The following RBFOX1 variants were observed in gnomAD, a reference collection of about 807,000 sequenced individuals.
RBFOX1 encodes RNA binding fox-1 homolog 1.
RBFOX1 carries 8 observed loss-of-function variants against 57.7 expected under a neutral mutation model. That is an observed-to-expected ratio of 0.14 (90% CI 0.08 to 0.25). The LOEUF (loss-of-function observed/expected upper bound fraction) is 0.25, where lower values mean the gene tolerates loss of function less well. RBFOX1 is among the 10% of genes least tolerant of loss of function. RBFOX1 has a pLI of 1.00. For missense variants in RBFOX1, 611 were observed against 548.5 expected (o/e 1.11, Z -1.14); for synonymous variants, 326 against 222.4 (o/e 1.47, Z -4.15).
intron 3 of RBFOX1, among the ~76,000 whole-genome samples, chr16:6,909,482 G>A (rs1408712166): frequency 1.3e-5 from 2 of 152,288 alleles, no homozygotes; most frequent in Non-Finnish European, 2.9e-5. Flanking sequence ...GGCATCTTTG[G>A]CATGAGACAA....
At chr16:7,325,839 T>G (rs139503664) in intron 4 of RBFOX1, among the ~76,000 whole-genome samples, 4 of 152,216 alleles carry the variant, frequency 2.6e-5, no homozygotes, top group Non-Finnish European at 5.9e-5. Flanking sequence ...AAATATTATG[T>G]AGCATCTCAG....
intron 2 of RBFOX1, among the ~76,000 whole-genome samples, chr16:5,556,618 A>G (rs956896547): frequency 6.6e-6 from 1 of 152,104 alleles, no homozygotes; most frequent in African/African-American, 2.4e-5. Flanking sequence ...GAGGATGCCA[A>G]CCCTCTCCCT....
intron 5 of RBFOX1, among the ~76,000 whole-genome samples, chr16:7,570,386 A>G (rs541244403): frequency 6.6e-6 from 1 of 152,288 alleles, no homozygotes; most frequent in African/African-American, 2.4e-5. Context: ...TGAGCACAGA[A>G]CTTCAACATC....
chr16:7,494,731 G>A (rs1445904201), intron 4 of RBFOX1, among the ~76,000 whole-genome samples: 3 of 151,730 alleles, frequency 2.0e-5, no homozygotes, highest in Non-Finnish European at 4.4e-5. Flanking sequence ...TTGAACAACA[G>A]GCCTTCTGAG....
At chr16:7,623,858 T>C (rs1372174597) in intron 10 of RBFOX1, among the ~76,000 whole-genome samples, 1 of 152,170 alleles carries the variant, frequency 6.6e-6, no homozygotes, top group Non-Finnish European at 1.5e-5. Context: ...TCTCCTCTTC[T>C]TGTAAGATCT....
At chr16:5,764,284 C>T (rs931836307) in intron 3 of RBFOX1, among the ~76,000 whole-genome samples, 32 of 152,306 alleles carry the variant, frequency 2.1e-4, no homozygotes, top group East Asian at 1.2e-3. Context: ...ATATCTATAA[C>T]GGCATTCTGC....
intron 2 of RBFOX1, among the ~76,000 whole-genome samples, chr16:5,565,746 T>TA (rs752828885): frequency 1.3e-5 from 2 of 152,200 alleles, no homozygotes; most frequent in Non-Finnish European, 2.9e-5. Context: ...ATCTCCTCTG[T>TA]AGCCATCCTG....
At position 6,232,145 on chromosome 16, in the gene RBFOX1, A is replaced by G. The variant is rs147910458; in HGVS notation, c.-126-84850A>G. Reference sequence around the variant, plus strand: ...AAATGTATTGAATGCCTAAGTGCTCATTTTGCAAGGGCAGCAGCATAATTG... The same window carrying G: ...AAATGTATTGAATGCCTAAGTGCTCGTTTTGCAAGGGCAGCAGCATAATTG... On this transcript the variant is annotated intron_variant, in intron 1 of 15. Transcript: ENST00000550418. Among the ~76,000 whole-genome samples, 245 of 152,290 alleles carry G rather than the reference A, an allele frequency of 1.6e-3. 1 individual carries two copies. The highest frequency in any genetic ancestry group is 2.9e-3 in the Non-Finnish European group (194 of 68,024).
At chr16:5,266,388 C>T (rs1429893810) in intron 1 of RBFOX1, among the ~76,000 whole-genome samples, 1 of 152,076 alleles carries the variant, frequency 6.6e-6, no homozygotes, top group Non-Finnish European at 1.5e-5. Context: ...TAGCCCCCAT[C>T]TGAGAACTGC....
chr16:6,121,499 C>G (rs2096549065), intron 1 of RBFOX1, among the ~76,000 whole-genome samples: 1 of 152,200 alleles, frequency 6.6e-6, no homozygotes, highest in African/African-American at 2.4e-5. Context: ...CAAATTCTAG[C>G]CTCCAGGAAT....
chr16:5,765,419 C>T (rs1372781303), intron 3 of RBFOX1, among the ~76,000 whole-genome samples: 1 of 152,178 alleles, frequency 6.6e-6, no homozygotes, highest in African/African-American at 2.4e-5. Flanking sequence ...CTCTTACCAG[C>T]AAATGATAAT....
At chr16:7,131,666 A>G (rs913185214) in intron 4 of RBFOX1, among the ~76,000 whole-genome samples, 3 of 151,828 alleles carry the variant, frequency 2.0e-5, no homozygotes, top group African/African-American at 7.3e-5. Flanking sequence ...CTTCCTTAGC[A>G]TAAAGTCAAT....
At chr16:7,356,241 A>G (rs2097212453) in intron 4 of RBFOX1, among the ~76,000 whole-genome samples, 1 of 152,228 alleles carries the variant, frequency 6.6e-6, no homozygotes, top group Non-Finnish European at 1.5e-5. Flanking sequence ...CCCCTGTTTT[A>G]CGGGACTTAG....
At chr16:5,587,301 C>A (rs1488443530) in intron 2 of RBFOX1, among the ~76,000 whole-genome samples, 2 of 152,150 alleles carry the variant, frequency 1.3e-5, no homozygotes, top group South Asian at 2.1e-4. Context: ...AAAGAAGATT[C>A]ACAAATGGCC....
At position 7,052,084 on chromosome 16, in the gene RBFOX1, A is replaced by C. The variant is rs1197417698; in HGVS notation, c.13A>C (p.Arg5=). 7 of 1,611,774 alleles carry C rather than the reference A, an allele frequency of 4.3e-6. No homozygotes were observed. The highest frequency in any genetic ancestry group is 5.9e-6 in the Non-Finnish European group (7 of 1,179,354). Residue 5 remains arginine (R), a synonymous_variant, in exon 4 of 16, where the codon AGA becomes CGA. Transcript: ENST00000550418. ...TTCAAGACAACAGATGAATTGTGAA[A>C]GAGAGCAGCTAAGGGTAGGTGCACC... MNCE[R]EQLRGNQEAA... is the part of the protein sequence containing the mutation.
chr16:5,660,745 T>C (rs1336798426), intron 3 of RBFOX1, among the ~76,000 whole-genome samples: 1 of 152,166 alleles, frequency 6.6e-6, no homozygotes, highest in Non-Finnish European at 1.5e-5. Flanking sequence ...GGGCCATGAA[T>C]GACGCTTTAA....
intron 2 of RBFOX1, among the ~76,000 whole-genome samples, chr16:6,376,785 G>C (rs540652960): frequency 6.6e-6 from 1 of 152,186 alleles, no homozygotes; most frequent in South Asian, 2.1e-4. Context: ...TCTGAAATCG[G>C]GGTATTAGCA....
intron 4 of RBFOX1, among the ~76,000 whole-genome samples, chr16:7,170,594 C>G (rs953545587): frequency 6.6e-6 from 1 of 152,170 alleles, no homozygotes; most frequent in Non-Finnish European, 1.5e-5. Flanking sequence ...AAGGATTTGA[C>G]TGGATCACCT....
chr16:6,929,782 C>G (rs185067406), intron 3 of RBFOX1, among the ~76,000 whole-genome samples: 39 of 152,148 alleles, frequency 2.6e-4, no homozygotes, highest in African/African-American at 8.7e-4. Flanking sequence ...TATCCTGTAG[C>G]TTTTTTTATT....
Sources: gnomAD v4.1 joint callset for allele counts (sites outside exome capture counted in the v4.1 genomes callset) on GRCh38, gnomAD v4.1.1 for gene constraint, MANE v1.5 for transcripts, NCBI Gene and HGNC (gene_info 2026-07-23, HGNC 2026-07-21) for gene names.